RIT2: variants seen among roughly 807,000 people sequenced by gnomAD.
RIT2 encodes the protein Ras like without CAAX 2, also known as GTP-binding protein Rit2.
Under a neutral mutation model 23.7 loss-of-function variants are expected in RIT2, and 24 were observed. The ratio of observed to expected loss-of-function variants is 1.01; its 90% CI spans 0.73 to 1.43. The LOEUF is 1.43. Ranked by LOEUF, RIT2 falls within the 40% of genes most tolerant of loss-of-function variation. The pLI is 0.00. For synonymous variants in RIT2, 107 were observed against 91.1 expected (o/e 1.17, Z -0.99); for missense variants, 236 against 266.9 (o/e 0.88, Z 0.81).
intron 1 of RIT2, among the ~76,000 whole-genome samples, chr18:43,095,133 C>T (rs1311495170): frequency 2.0e-5 from 3 of 152,054 alleles, no homozygotes; most frequent in Non-Finnish European, 4.4e-5. Flanking sequence ...TGAGGAATAG[C>T]CACACTGTCC....
chr18:42,933,060 T>C lies in RIT2; in HGVS notation c.235-9297A>G, dbSNP rs553723545. 3.9e-5 allele frequency among the ~76,000 whole-genome samples: 6 copies of C among 152,320 alleles called. No individual in the cohort carries two copies. The South Asian group carries it at 8.3e-4, about 21-fold the overall frequency. On this transcript the variant is annotated intron_variant, in intron 3 of 4. Transcript: ENST00000326695. ...ATGCTTAAACTGTGTTTAACACTTATGTTGCACTTATATTGCTTGGTAGAT... is the reference window on the plus strand; with the variant it reads ...ATGCTTAAACTGTGTTTAACACTTACGTTGCACTTATATTGCTTGGTAGAT...
chr18:43,085,273 T>G (rs1913255762), intron 1 of RIT2, among the ~76,000 whole-genome samples: 1 of 152,176 alleles, frequency 6.6e-6, no homozygotes, highest in Non-Finnish European at 1.5e-5. Context: ...TTTTTATCTA[T>G]GTATACATTG....
chr18:43,023,724 C>T (rs1911648209), intron 2 of RIT2, among the ~76,000 whole-genome samples: 1 of 151,978 alleles, frequency 6.6e-6, no homozygotes. Flanking sequence ...ACTAAAACAG[C>T]ATTTATTTTC....
At chr18:42,807,627 C>CA (rs1313522290) in intron 4 of RIT2, among the ~76,000 whole-genome samples, 55 of 152,152 alleles carry the variant, frequency 3.6e-4, no homozygotes, top group African/African-American at 1.3e-3. Context: ...CAAACAAAAA[C>CA]AAAACAAAAC....
chr18:43,019,245 G>A lies in RIT2; in HGVS notation c.160+14566C>T, dbSNP rs147527170. On this transcript the variant is annotated intron_variant, in intron 2 of 4. Coordinates refer to ENST00000326695, the MANE Select transcript of RIT2 (RefSeq NM_002930.4). Reference sequence around the variant, plus strand: ...AACCAGAATAAGCAACAACAAAAGTGCAGGCCAATATCCCTAAAAAACATA... The same window carrying A: ...AACCAGAATAAGCAACAACAAAAGTACAGGCCAATATCCCTAAAAAACATA... 1.3e-4 allele frequency among the ~76,000 whole-genome samples: 20 copies of A among 151,772 alleles called. No individual in the cohort carries two copies. In the East Asian group the frequency reaches 3.7e-3, roughly 28 times the overall value.
chr18:42,744,544 A>G (rs1912873653), intron 4 of RIT2, among the ~76,000 whole-genome samples: 1 of 152,154 alleles, frequency 6.6e-6, no homozygotes, highest in Admixed American at 6.5e-5. Flanking sequence ...ACTGCATTTT[A>G]GCTTTGCAAA....
chr18:43,026,794 AT>A (rs1377273565), intron 2 of RIT2, among the ~76,000 whole-genome samples: 1 of 151,996 alleles, frequency 6.6e-6, no homozygotes, highest in Non-Finnish European at 1.5e-5. Context: ...TAAGTATGAA[AT>A]TCAAGAGAGA....
chr18:42,916,708 C>T (rs1908918446), intron 4 of RIT2, among the ~76,000 whole-genome samples: 1 of 152,060 alleles, frequency 6.6e-6, no homozygotes, highest in Non-Finnish European at 1.5e-5. Flanking sequence ...TGAGGCGCTA[C>T]TCTGTGACAT....
intron 4 of RIT2, among the ~76,000 whole-genome samples, chr18:42,800,713 A>G (rs112117313): frequency 0.02 from 3,029 of 151,860 alleles, 96 homozygotes; most frequent in African/African-American, 0.067. Context: ...GTATTTTTTT[A>G]GTAGAGACGG....
At chr18:42,940,434 T>C (rs1001938210) in intron 3 of RIT2, among the ~76,000 whole-genome samples, 1 of 150,780 alleles carries the variant, frequency 6.6e-6, no homozygotes, top group Non-Finnish European at 1.5e-5. Flanking sequence ...CACACACACA[T>C]TACACACCCT....
chr18:42,793,061 C>CA (rs140819429), intron 4 of RIT2, among the ~76,000 whole-genome samples: 36,093 of 148,656 alleles, frequency 0.24, 5,259 homozygotes, highest in African/African-American at 0.42. Context: ...CTAGAGCCCT[C>CA]AAAAAAAAAA....
intron 2 of RIT2, among the ~76,000 whole-genome samples, chr18:43,016,017 A>G (rs1348988477): frequency 1.3e-5 from 2 of 151,872 alleles, no homozygotes; most frequent in African/African-American, 4.8e-5. Flanking sequence ...ATGAAGGTTT[A>G]ATTATTCCTA....
At chr18:42,978,828 C>G (rs1171036671) in intron 2 of RIT2, among the ~76,000 whole-genome samples, 1 of 152,106 alleles carries the variant, frequency 6.6e-6, no homozygotes, top group African/African-American at 2.4e-5. Flanking sequence ...AAATCTATCA[C>G]TAAATATCTG....
chr18:42,787,907 C>T (rs1003187778), intron 4 of RIT2, among the ~76,000 whole-genome samples: 2 of 151,560 alleles, frequency 1.3e-5, no homozygotes, highest in African/African-American at 4.8e-5. Context: ...AAAACTGATA[C>T]ATTAAAATGT....
chr18:43,082,741 A>C (rs896834467), intron 1 of RIT2, among the ~76,000 whole-genome samples: 1 of 152,170 alleles, frequency 6.6e-6, no homozygotes, highest in Non-Finnish European at 1.5e-5. Flanking sequence ...TCAAAATAAT[A>C]AGAGCTATTT....
chr18:42,791,458 T>C (rs570101234), intron 4 of RIT2, among the ~76,000 whole-genome samples: 1 of 152,346 alleles, frequency 6.6e-6, no homozygotes, highest in African/African-American at 2.4e-5. Context: ...GCTTTCATAA[T>C]AAAACTTTTG....
chr18:42,790,056 C>T (rs1454772264), intron 4 of RIT2, among the ~76,000 whole-genome samples: 1 of 152,100 alleles, frequency 6.6e-6, no homozygotes, highest in African/African-American at 2.4e-5. Flanking sequence ...TTATCAAATG[C>T]TTTTTCTGTG....
chr18:42,914,560 T>C (rs913993393), intron 4 of RIT2, among the ~76,000 whole-genome samples: 4 of 152,072 alleles, frequency 2.6e-5, no homozygotes, highest in African/African-American at 9.7e-5. Context: ...ATTTCATTTA[T>C]ATAATAATCA....
intron 1 of RIT2, among the ~76,000 whole-genome samples, chr18:43,098,885 G>A (rs889204850): frequency 2.6e-5 from 4 of 151,818 alleles, no homozygotes; most frequent in Admixed American, 6.6e-5. Context: ...CATACTATAC[G>A]AAACAAACCC....
Sources: allele counts gnomAD v4.1 joint callset (sites outside exome capture counted in the v4.1 genomes callset), GRCh38; gene constraint gnomAD v4.1.1; transcripts MANE v1.5; gene names NCBI Gene and HGNC (gene_info 2026-07-23, HGNC 2026-07-21).